Variants in LEPR observed in about 807,000 individuals in gnomAD.
LEPR encodes the protein leptin receptor.
LEPR carries 56 observed loss-of-function variants against 114.7 expected under a neutral mutation model. The observed-to-expected ratio is 0.49, with a 90% CI of 0.39 to 0.61. The LOEUF (loss-of-function observed/expected upper bound fraction) is 0.61. LEPR is among the 20% of genes least tolerant of loss of function. LEPR has a pLI of 0.00. For missense variants in LEPR, 1,202 were observed against 1,352.9 expected (o/e 0.89, Z 1.75); for synonymous variants, 443 against 461.4 (o/e 0.96, Z 0.51).
chr1:65,513,456 G>A (rs1450058377), intron 2 of LEPR, among the ~76,000 whole-genome samples: 2 of 152,144 alleles, frequency 1.3e-5, no homozygotes, highest in African/African-American at 4.8e-5. Context: ...TGACTCATTA[G>A]TTCAGAATTA....
chr1:65,572,740 G>A (rs1309153160), intron 5 of LEPR, among the ~76,000 whole-genome samples: 2 of 152,120 alleles, frequency 1.3e-5, no homozygotes, highest in African/African-American at 2.4e-5. Flanking sequence ...GGGTGGATGG[G>A]CAATAGCTGA....
chr1:65,549,522 T>G lies in LEPR; in HGVS notation c.-20-16024T>G, dbSNP rs546052930. Among the ~76,000 whole-genome samples the G allele has an allele frequency of 5.9e-5, 9 of 152,110 alleles. No homozygotes were observed. The East Asian group carries it at 1.2e-3, about 20-fold the overall frequency. ...AGGCTTTGTTCGTTTCTTTTTATTC[T>G]TTTTTCTCTAAACTTCCCTTCTCGC... On this transcript the variant is annotated intron_variant, in intron 2 of 19. Coordinates refer to ENST00000349533, the MANE Select transcript of LEPR (RefSeq NM_002303.6).
At chr1:65,466,920 A>G (rs1647020925) in intron 2 of LEPR, among the ~76,000 whole-genome samples, 1 of 152,088 alleles carries the variant, frequency 6.6e-6, no homozygotes. Context: ...CTAGTTAGCC[A>G]TTCATTCTTC....
chr1:65,592,971 C>A, intron 6 of LEPR, 106 bp downstream of exon 6: 1 of 1,264,586 alleles, frequency 7.9e-7, no homozygotes, highest in Non-Finnish European at 1.1e-6. Flanking sequence ...CTTTGCTTAA[C>A]ACTGTAATGA....
At chr1:65,630,097 A>G (rs1285956340) in intron 19 of LEPR, 1 of 159,840 alleles carries the variant, frequency 6.3e-6, no homozygotes, top group Non-Finnish European at 1.4e-5. Flanking sequence ...GAACATTGAG[A>G]TAATTCCTGC....
intron 2 of LEPR, among the ~76,000 whole-genome samples, chr1:65,429,140 G>A (rs1030285831): frequency 1.3e-5 from 2 of 152,196 alleles, no homozygotes; most frequent in African/African-American, 4.8e-5. Context: ...GTTCGAGGGT[G>A]ACCTGGGGTA....
At chr1:65,472,281 A>G (rs763119894) in intron 2 of LEPR, among the ~76,000 whole-genome samples, 1 of 152,018 alleles carries the variant, frequency 6.6e-6, no homozygotes, top group Non-Finnish European at 1.5e-5. Context: ...CAGATGGTGT[A>G]ATTCATAAAC....
chr1:65,582,354 C>T (rs1655046271), intron 5 of LEPR, among the ~76,000 whole-genome samples: 1 of 152,170 alleles, frequency 6.6e-6, no homozygotes, highest in Admixed American at 6.6e-5. Context: ...GGTTCAACTT[C>T]AGGAGGAGCT....
rs958257970 is a variant in LEPR at position 65,479,788 on chromosome 1, C to G, written c.-21+54410C>G. ...AACTGGGCAGAAAGTAGAAGACAAT[C>G]AGCAGCATTCACTGCTTTCTAAGAA... On this transcript the variant is annotated intron_variant, in intron 2 of 19. Coordinates refer to ENST00000349533, the MANE Select transcript of LEPR (RefSeq NM_002303.6). Among the ~76,000 whole-genome samples, 14 of 152,300 alleles carry G rather than the reference C, an allele frequency of 9.2e-5. No homozygotes were observed. The South Asian group carries it at 1.0e-3, about 11-fold the overall frequency.
At chr1:65,430,520 G>GAC (rs1646465793) in intron 2 of LEPR, among the ~76,000 whole-genome samples, 2 of 152,108 alleles carry the variant, frequency 1.3e-5, no homozygotes, top group African/African-American at 2.4e-5. Flanking sequence ...TCACTTCCAA[G>GAC]ACAAAAACTT....
At chr1:65,594,697 T>C (rs929007864) in intron 6 of LEPR, among the ~76,000 whole-genome samples, 10 of 151,980 alleles carry the variant, frequency 6.6e-5, no homozygotes, top group Admixed American at 3.3e-4. Context: ...AGGGGAGATA[T>C]ATATATTTGG....
intron 2 of LEPR, among the ~76,000 whole-genome samples, chr1:65,510,282 G>A (rs760567047): frequency 6.6e-6 from 1 of 152,108 alleles, no homozygotes; most frequent in African/African-American, 2.4e-5. Context: ...TATTATTTTG[G>A]GTGGGATTCT....
intron 2 of LEPR, among the ~76,000 whole-genome samples, chr1:65,526,959 G>GA (rs1234067889): frequency 6.6e-6 from 1 of 152,118 alleles, no homozygotes; most frequent in Admixed American, 6.6e-5. Context: ...AAGGTATAGA[G>GA]AAAAACATGT....
intron 2 of LEPR, among the ~76,000 whole-genome samples, chr1:65,516,528 G>C (rs1649296941): frequency 1.3e-5 from 2 of 152,184 alleles, no homozygotes; most frequent in Admixed American, 1.3e-4. Context: ...AGAGATACTG[G>C]TTGCCATTTA....
At chr1:65,447,544 T>TC (rs1646729203) in intron 2 of LEPR, among the ~76,000 whole-genome samples, 1 of 151,478 alleles carries the variant, frequency 6.6e-6, no homozygotes, top group Non-Finnish European at 1.5e-5. Context: ...CTTTTTTTTT[T>TC]TTTTTGATAC....
chr1:65,541,639 AT>A (rs1557649675), intron 2 of LEPR, among the ~76,000 whole-genome samples: 1 of 152,228 alleles, frequency 6.6e-6, no homozygotes, highest in Non-Finnish European at 1.5e-5. Context: ...GCTACTGGAA[AT>A]AGATCAGGCT....
intron 2 of LEPR, among the ~76,000 whole-genome samples, chr1:65,481,549 T>C (rs1570533421): frequency 6.6e-6 from 1 of 151,828 alleles, no homozygotes; most frequent in Non-Finnish European, 1.5e-5. Context: ...TATCAGAAAA[T>C]AAAAGATAAG....
chr1:65,630,020 TTTTATTCTGCCCTCC>T (rs1232470819), intron 19 of LEPR, among the ~76,000 whole-genome samples: 1 of 152,166 alleles, frequency 6.6e-6, no homozygotes, highest in Non-Finnish European at 1.5e-5. Flanking sequence ...CTGAACTGCC[TTTTATTCTGCCCTCC>T]TCGATTGTTA....
chr1:65,420,922 T>C (rs1646233893), intron 1 of LEPR, among the ~76,000 whole-genome samples, 182 bp downstream of exon 1: 1 of 152,188 alleles, frequency 6.6e-6, no homozygotes, highest in Non-Finnish European at 1.5e-5. Context: ...GAGCGGCGTT[T>C]CGGGGGAGCC....
Sources: allele counts gnomAD v4.1 joint callset (sites outside exome capture counted in the v4.1 genomes callset), GRCh38; gene constraint gnomAD v4.1.1; transcripts MANE v1.5; gene names NCBI Gene and HGNC (gene_info 2026-07-23, HGNC 2026-07-21).